FAM210A: variants seen among roughly 807,000 people sequenced by gnomAD.
The protein encoded by FAM210A is mitochondrial inner membrane scaffold 1, also known as family with sequence similarity 210 member A.
Under a neutral mutation model 25.3 loss-of-function variants are expected in FAM210A, and 13 were observed. The ratio of observed to expected loss-of-function variants is 0.51; its 90% CI spans 0.33 to 0.82. The LOEUF is 0.82. FAM210A is among the 40% of genes least tolerant of loss of function. The pLI, the probability that FAM210A is intolerant of heterozygous loss-of-function variation, is 0.02. For synonymous variants in FAM210A, 125 were observed against 118.7 expected (o/e 1.05, Z -0.35); for missense variants, 319 against 323.2 (o/e 0.99, Z 0.10).
At chr18:13,715,603 C>T (rs1335067476) in intron 1 of FAM210A, among the ~76,000 whole-genome samples, 1 of 152,206 alleles carries the variant, frequency 6.6e-6, no homozygotes, top group African/African-American at 2.4e-5. Context: ...GTTACCACCA[C>T]ATAAAGTTGT....
chr18:13,719,729 A>T (rs943029910), intron 1 of FAM210A, among the ~76,000 whole-genome samples: 1 of 113,766 alleles, frequency 8.8e-6, no homozygotes. Flanking sequence ...CATGAATTAA[A>T]AAAAAAAAAA....
chr18:13,709,009 T>C (rs1377839358), intron 1 of FAM210A, among the ~76,000 whole-genome samples: 1 of 152,180 alleles, frequency 6.6e-6, no homozygotes, highest in African/African-American at 2.4e-5. Context: ...CAGAGTAAAA[T>C]AATGCCAGCA....
chr18:13,677,199 C>T (rs1395277743), intron 2 of FAM210A, among the ~76,000 whole-genome samples: 5 of 151,996 alleles, frequency 3.3e-5, no homozygotes, highest in Non-Finnish European at 7.4e-5. Flanking sequence ...CTCAGCCTCC[C>T]GAGTAGCTGG....
chr18:13,689,103 T>C (rs2043621260), intron 1 of FAM210A, among the ~76,000 whole-genome samples: 1 of 152,246 alleles, frequency 6.6e-6, no homozygotes, highest in Admixed American at 6.5e-5. Flanking sequence ...CTGAGGCATC[T>C]GCTTCCTCTG....
At chr18:13,684,188 A>G (rs976479633) in intron 1 of FAM210A, among the ~76,000 whole-genome samples, 1 of 152,176 alleles carries the variant, frequency 6.6e-6, no homozygotes. Context: ...CCTGGTGAGG[A>G]GTTCGAGACC....
At chr18:13,670,648 C>T (rs1009231086) in intron 3 of FAM210A, among the ~76,000 whole-genome samples, 4 of 152,138 alleles carry the variant, frequency 2.6e-5, no homozygotes, top group African/African-American at 9.7e-5. Context: ...CCACAATTTA[C>T]AGTGAGTCTT....
chr18:13,691,820 G>A (rs12962206), intron 1 of FAM210A, among the ~76,000 whole-genome samples: 38,021 of 45,480 alleles, frequency 0.84, 16,661 homozygotes, highest in East Asian at 0.94. Context: ...AAAGACCATC[G>A]AGGCTAGGAA....
chr18:13,722,839 TCTTTC>T (rs2043907649), intron 1 of FAM210A, among the ~76,000 whole-genome samples: 1 of 136,120 alleles, frequency 7.3e-6, no homozygotes, highest in Non-Finnish European at 1.6e-5. Context: ...GCTCCCCTTT[TCTTTC>T]CTTTCTTTTT....
chr18:13,681,034 T>C (rs112687915), intron 2 of FAM210A, among the ~76,000 whole-genome samples: 1,965 of 152,340 alleles, frequency 0.013, 7 homozygotes, highest in Middle Eastern at 0.034. Context: ...AGCCGGACTT[T>C]GGCAAAATCT....
chr18:13,720,113 C>CA (rs1214491549), intron 1 of FAM210A, among the ~76,000 whole-genome samples: 1 of 152,178 alleles, frequency 6.6e-6, no homozygotes, highest in African/African-American at 2.4e-5. Context: ...AGCCCAGTAG[C>CA]AAGCCCAAAA....
chr18:13,668,112 G>T (rs2043415602), intron 3 of FAM210A, among the ~76,000 whole-genome samples: 1 of 152,196 alleles, frequency 6.6e-6, no homozygotes. Flanking sequence ...AACTTTGAAA[G>T]AGCTGTCTGC....
intron 2 of FAM210A, among the ~76,000 whole-genome samples, chr18:13,678,895 C>G (rs1487972879): frequency 6.6e-6 from 1 of 152,194 alleles, no homozygotes; most frequent in East Asian, 1.9e-4. Flanking sequence ...AACTTGAGGT[C>G]TCAAACACAA....
At chr18:13,709,394 T>C (rs2149068059) in intron 1 of FAM210A, among the ~76,000 whole-genome samples, 1 of 152,336 alleles carries the variant, frequency 6.6e-6, no homozygotes, top group South Asian at 2.1e-4. Context: ...GGTGCCTGCT[T>C]TAAGACTTTT....
chr18:13,677,249 T>G (rs1235039690), intron 2 of FAM210A, among the ~76,000 whole-genome samples: 1 of 152,082 alleles, frequency 6.6e-6, no homozygotes, highest in Admixed American at 6.6e-5. Flanking sequence ...TAATTTTTTG[T>G]GTTTTTAGTA....
intron 1 of FAM210A, among the ~76,000 whole-genome samples, chr18:13,714,291 G>A (rs916995361): frequency 6.6e-6 from 1 of 152,164 alleles, no homozygotes; most frequent in African/African-American, 2.4e-5. Context: ...AAGGCTAACT[G>A]AACTACAGTG....
chr18:13,683,005 A>G (rs1393512596), intron 1 of FAM210A, among the ~76,000 whole-genome samples: 1 of 152,080 alleles, frequency 6.6e-6, no homozygotes, highest in African/African-American at 2.4e-5. Context: ...ATAGTGGGGG[A>G]AAAAATAAGA....
rs2043404980 is a variant in FAM210A, at chr18:13,666,775, A to C, written c.586-62T>G. On this transcript the variant is annotated intron_variant, in intron 3 of 3. Transcript: ENST00000651643. ...GGTTATTACTGTCATCTTAAGCAAA[A>C]ACAAGTTAAAATTAAAATTCTTGGT... 5 of 1,424,560 alleles carry C rather than the reference A, an allele frequency of 3.5e-6. No individual in the cohort carries two copies. In the African/African-American group the frequency reaches 7.1e-5, roughly 20 times the overall value. The allele number at this position is 1,424,560 out of a possible 1,614,324, so 88.2% of individuals were successfully genotyped here.
intron 1 of FAM210A, among the ~76,000 whole-genome samples, chr18:13,713,481 C>A (rs1284215): frequency 6.6e-6 from 1 of 152,122 alleles, no homozygotes; most frequent in African/African-American, 2.4e-5. Flanking sequence ...ACTAAAATCA[C>A]CCCATGTGTA....
At chr18:13,698,931 C>G (rs1340722759) in intron 1 of FAM210A, among the ~76,000 whole-genome samples, 1 of 152,156 alleles carries the variant, frequency 6.6e-6, no homozygotes, top group South Asian at 2.1e-4. Context: ...CCTGCAGTTG[C>G]TGTAGAGCCG....
Sources: allele counts gnomAD v4.1 joint callset (sites outside exome capture counted in the v4.1 genomes callset), GRCh38; gene constraint gnomAD v4.1.1; transcripts MANE v1.5; gene names NCBI Gene and HGNC (gene_info 2026-07-23, HGNC 2026-07-21).